NEB: variants seen among roughly 807,000 people sequenced by gnomAD.
The protein encoded by NEB is nebulin.
A neutral mutation model predicts 952.2 loss-of-function variants in NEB; 512 were observed. That is an observed-to-expected ratio of 0.54 (90% confidence interval 0.50 to 0.58). NEB has a LOEUF of 0.58. Among genes scored for constraint, NEB ranks in the 20% least tolerant of loss-of-function variants. NEB has a pLI of 0.00. For missense variants in NEB, 8,428 were observed against 9,231.1 expected (o/e 0.91, Z 3.56); for synonymous variants, 2,900 against 3,149.8 (o/e 0.92, Z 2.66).
chr2:151,501,904 C>T (rs1430785312), intron 167 of NEB, among the ~76,000 whole-genome samples: 1 of 152,078 alleles, frequency 6.6e-6, no homozygotes, highest in African/African-American at 2.4e-5. Context: ...ATAATACTAG[C>T]TTTCAATGAT....
At chr2:151,652,091 C>T (rs980007541) in intron 52 of NEB, among the ~76,000 whole-genome samples, 1 of 152,066 alleles carries the variant, frequency 6.6e-6, no homozygotes, top group Non-Finnish European at 1.5e-5. Flanking sequence ...AAATAGGCTG[C>T]TTTGTGGTGT....
At position 151,639,953 on chromosome 2, in the gene NEB, T is replaced by G. The variant is rs764708311; in HGVS notation, c.8793A>C (p.Lys2931Asn). Residue 2931 changes from lysine (K) to asparagine (N), a missense_variant, in exon 62 of 182, where the codon AAA becomes AAC. This residue lies in a region of NEB where 1,772 missense variants were observed against 1,960.3 expected (regional missense o/e 0.90). Coordinates refer to ENST00000397345, the MANE Select transcript of NEB (RefSeq NM_001164508.2). ...ATCTGTCTGGAGGCTGGCGATAGAT[T>G]TTATCACTCAAAATTTCAGTTGCCC... ...CKRATEILSD[K>N]IYRQPPDRFK... 8.7e-6 allele frequency: 14 copies of G among 1,613,968 alleles called. No homozygotes were observed. Among genetic ancestry groups the G allele is most frequent in the Non-Finnish European group, 1.2e-5 (14 of 1,179,860 alleles).
chr2:151,507,961 C>T, intron 162 of NEB, 44 bp downstream of exon 162: 1 of 1,416,336 alleles, frequency 7.1e-7, no homozygotes, highest in Non-Finnish European at 9.8e-7. Flanking sequence ...CCTCAGCACC[C>T]CTAGGTGCCT....
intron 3 of NEB, among the ~76,000 whole-genome samples, chr2:151,730,196 G>A (rs1363601578): frequency 6.6e-6 from 1 of 152,134 alleles, no homozygotes; most frequent in Admixed American, 6.5e-5. Context: ...TAAGTAATAA[G>A]TTTCTTCTGG....
At chr2:151,678,385 A>AT (rs2099388841) in intron 32 of NEB, among the ~76,000 whole-genome samples, 198 bp from the exon 33 acceptor site, 1 of 152,152 alleles carries the variant, frequency 6.6e-6, no homozygotes, top group African/African-American at 2.4e-5. Flanking sequence ...AACCCATTTG[A>AT]TTGTCTATAG....
At position 151,643,353 on chromosome 2, in the gene NEB, T is replaced by G. The variant is rs757875358; in HGVS notation, c.7957A>C (p.Asn2653His). ...CACTGAAGGTCTGACTTGTACAAAT[T>G]CTGAAAGTGCAAGTGACAAATTTGT... ...ARQAYDLQSD[N>H]LYKSDLQWLK... The change falls in exon 58 of 182, where the codon AAT (asparagine) becomes CAT (histidine). Residue 2653 changes from asparagine to histidine, a missense_variant and splice_region_variant. By Grantham distance (68) the Asn-to-His change is moderately conservative. Transcript: ENST00000397345. The G allele has an allele frequency of 1.3e-6, 2 of 1,598,614 alleles. No individual in the cohort carries two copies. The highest frequency in any genetic ancestry group is 2.3e-5 in the South Asian group (2 of 88,678).
chr2:151,612,523 T>C (rs1335120392), intron 77 of NEB, 134 bp from the exon 78 acceptor site: 10 of 894,424 alleles, frequency 1.1e-5, no homozygotes, highest in Non-Finnish European at 1.7e-5. Flanking sequence ...CCCACAGGAT[T>C]GCTTTACTTT....
intron 135 of NEB, among the ~76,000 whole-genome samples, chr2:151,544,528 G>A (rs565504789): frequency 4.6e-5 from 7 of 152,274 alleles, no homozygotes; most frequent in African/African-American, 1.4e-4. Context: ...TTCTCATACT[G>A]AGCCAGAGTG....
chr2:151,495,215 G>GTATC (rs1054225514), intron 173 of NEB: 1 of 152,160 alleles, frequency 6.6e-6, no homozygotes, highest in African/African-American at 2.4e-5. Context: ...CTCAACCTCG[G>GTATC]TATCTCCCCT....
chr2:151,715,888 T>A (rs1207919843), intron 10 of NEB, among the ~76,000 whole-genome samples: 1 of 152,208 alleles, frequency 6.6e-6, no homozygotes, highest in Non-Finnish European at 1.5e-5. Context: ...GTGGAGAGAA[T>A]GATTATAGAC....
rs765379397 is a variant in NEB at position 151,616,057 on chromosome 2, C to A, written c.11234G>T (p.Arg3745Leu). ...TGCTTGGATTGGAATGGCATCCAGA[C>A]GCAAGTCATAGCCTTCCTTCTTGGA... ...EESKKEGYDLRLDAIPIQAAK... is the reference protein window; with the variant it reads ...EESKKEGYDLLLDAIPIQAAK... The change falls in exon 76 of 182, where the codon CGT becomes CTT. Residue 3745 changes from arginine to leucine, a missense_variant. Transcript: ENST00000397345. The A allele has an allele frequency of 3.4e-5, 55 of 1,612,978 alleles. No individual in the cohort carries two copies. The Admixed American group carries it at 9.0e-4, about 26-fold the overall frequency.
At chr2:151,666,011 G>T in intron 41 of NEB, 79 bp downstream of exon 41, 1 of 1,386,974 alleles carries the variant, frequency 7.2e-7, no homozygotes, top group African/African-American at 1.4e-5. Context: ...GTGCAGCCAG[G>T]TGTGGGATGG....
chr2:151,567,381 G>A lies in NEB; in HGVS notation c.17943C>T (p.Gly5981=), dbSNP rs1404903781. 4 of 1,613,606 alleles carry A rather than the reference G, an allele frequency of 2.5e-6. No individual in the cohort carries two copies. The highest frequency in any genetic ancestry group is 3.4e-6 in the Non-Finnish European group (4 of 1,179,808). Residue 5981 remains glycine (G), a synonymous_variant, in exon 114 of 182, where the codon GGC becomes GGT. Transcript: ENST00000397345. ...DPKLVWFEHA[G]QIQNERLYKE... ...TGTATAGTCTCTCATTCTGAATCTG[G>A]CCTGCATGCTCAAACCAAACCAGCT...
At chr2:151,506,425 TCAGAC>T in intron 163 of NEB, 167 bp from the exon 164 acceptor site, 1 of 599,432 alleles carries the variant, frequency 1.7e-6, no homozygotes, top group Non-Finnish European at 3.0e-6. Context: ...TATCAGTGAC[TCAGAC>T]CAGTTATACA....
intron 65 of NEB, 91 bp downstream of exon 65, chr2:151,633,563 T>C: frequency 6.8e-7 from 1 of 1,463,290 alleles, no homozygotes; most frequent in East Asian, 2.3e-5. Context: ...CAATCAATCT[T>C]AACTTGAGTA....
rs1056538048 is a variant in NEB, at chr2:151,570,609, G to A, written c.17014-8C>T. 13 of 1,575,254 alleles carry A rather than the reference G, an allele frequency of 8.3e-6. No homozygotes were observed. The Admixed American group carries it at 9.1e-5, about 11-fold the overall frequency. On this transcript the variant is annotated splice_polypyrimidine_tract_variant and splice_region_variant and intron_variant, in intron 107 of 181. Transcript: ENST00000397345. ...GCCCTCACGGTAAAGTTTCTGAAAA[G>A]GAGAAAAATAAGGTATCATCCTAGA...
Position 151,553,431 on chromosome 2 carries a change from G to A in NEB, c.19698C>T (p.Leu6566=), listed in dbSNP as rs776472016. The part of the protein sequence containing the change: ...GCYVWDTPEI[L]HAKHAYDLRD... ...GTAGATCATAAGCATGCTTGGCATG[G>A]AGGATTTCAGGAGTGTCCCAGACGT... Residue 6566 remains leucine, a synonymous_variant, in exon 127 of 182, where the codon CTC becomes CTT. Coordinates refer to ENST00000397345, the MANE Select transcript of NEB (RefSeq NM_001164508.2). 1.2e-6 allele frequency: 2 copies of A among 1,613,554 alleles called. No individual in the cohort carries two copies. Among genetic ancestry groups the A allele is most frequent in the Middle Eastern group, 1.6e-4 (1 of 6,078 alleles).
At chr2:151,656,606 T>C in intron 48 of NEB, 142 bp from the exon 49 acceptor site, 1 of 386,132 alleles carries the variant, frequency 2.6e-6, no homozygotes, top group Non-Finnish European at 4.0e-6. Context: ...GTTCACAGAC[T>C]AATTTTTCAT....
chr2:151,489,521 C>G (rs1388066692), intron 181 of NEB, among the ~76,000 whole-genome samples: 1 of 152,164 alleles, frequency 6.6e-6, no homozygotes, highest in Non-Finnish European at 1.5e-5. Flanking sequence ...ACCTCAACTT[C>G]CTCAGTAGCT....
Sources: gnomAD v4.1 joint callset for allele counts (sites outside exome capture counted in the v4.1 genomes callset) on GRCh38, gnomAD v4.1.1 for gene constraint, gnomAD v4.1.1 regional missense constraint, MANE v1.5 for transcripts, NCBI Gene and HGNC (gene_info 2026-07-23, HGNC 2026-07-21) for gene names.